The following GREB1 variants were observed in gnomAD, a reference collection of about 807,000 sequenced individuals.
The protein encoded by GREB1 is protein GREB1.
Under a neutral mutation model 200.7 loss-of-function variants are expected in GREB1, and 106 were observed. The observed-to-expected ratio is 0.53, with a 90% CI of 0.45 to 0.62. GREB1 has a LOEUF of 0.62. Ranked by LOEUF, GREB1 falls within the 20% of genes least tolerant of loss-of-function variation. The pLI, the probability that GREB1 is intolerant of heterozygous loss-of-function variation, is 0.00. For missense variants in GREB1, 2,243 were observed against 2,556.8 expected (o/e 0.88, Z 2.65); for synonymous variants, 1,132 against 1,092.4 (o/e 1.04, Z -0.72).
chr2:11,583,296 T>A (rs542213301), intron 7 of GREB1, among the ~76,000 whole-genome samples: 1 of 152,280 alleles, frequency 6.6e-6, no homozygotes, highest in Admixed American at 6.5e-5. Flanking sequence ...GCTTAGCCTC[T>A]GTGGGGGGTC....
intron 6 of GREB1, among the ~76,000 whole-genome samples, chr2:11,579,609 A>G (rs536489636): frequency 2.0e-5 from 3 of 152,300 alleles, no homozygotes; most frequent in African/African-American, 7.2e-5. Context: ...GAGGTTAAGT[A>G]AGTGTCCAGG....
chr2:11,635,542 G>C (rs1397996591), intron 30 of GREB1, 137 bp downstream of exon 30: 15 of 956,546 alleles, frequency 1.6e-5, no homozygotes, highest in Non-Finnish European at 2.1e-5. Context: ...GGTGGGGTCA[G>C]TAAAGGTTTT....
intron 1 of GREB1, among the ~76,000 whole-genome samples, chr2:11,534,550 C>T (rs1032855420): frequency 2.6e-5 from 4 of 152,176 alleles, no homozygotes; most frequent in African/African-American, 9.7e-5. Flanking sequence ...TTCATACCCC[C>T]AGCCTTTCTG....
chr2:11,573,333 A>G (rs778505527), intron 4 of GREB1, among the ~76,000 whole-genome samples: 8 of 152,206 alleles, frequency 5.3e-5, no homozygotes, highest in Non-Finnish European at 1.2e-4. Flanking sequence ...CGTGTTTAAG[A>G]TGGACTGTTT....
At chr2:11,574,748 T>G (rs1008832284) in intron 4 of GREB1, among the ~76,000 whole-genome samples, 8 of 152,246 alleles carry the variant, frequency 5.3e-5, no homozygotes, top group African/African-American at 1.9e-4. Context: ...GACTGGCTCC[T>G]GTGTCACTTG....
rs1397311955 is a variant in GREB1, at chr2:11,588,846, A to G, written c.1260A>G (p.Ala420=). ...AGAATTCCCAGTCTGTCTCACGGGC[A>G]TACGAGCAGTACGGCGCCTCTGCCA... The part of the protein sequence containing the change: ...CYQNSQSVSR[A]YEQYGASAIQ... Residue 420 remains alanine (A), a synonymous_variant, in exon 10 of 33, where the codon GCA becomes GCG. Transcript: ENST00000381486. 1 of 1,614,158 alleles carries G rather than the reference A, an allele frequency of 6.2e-7. No homozygotes were observed. The highest frequency in any genetic ancestry group is 8.5e-7 in the Non-Finnish European group (1 of 1,179,992).
chr2:11,596,447 A>AG lies in GREB1; in HGVS notation c.1954+214dup, dbSNP rs570048754. ...GGCAGGGACGCAGGTGTGCACAGTG[A>AG]GGGGGGTGGGGGCACAGGTATGCAC... On this transcript the variant is annotated intron_variant, in intron 13 of 32. Coordinates refer to ENST00000381486, the MANE Select transcript of GREB1 (RefSeq NM_014668.4). Among the ~76,000 whole-genome samples, 350 of 43,226 alleles carry AG rather than the reference A, an allele frequency of 8.1e-3. 56 individuals are homozygous for AG. The highest frequency in any genetic ancestry group is 0.041 in the African/African-American group (320 of 7,860). 28.4% of individuals were successfully genotyped at this position (43,226 alleles called of 152,430 possible).
intron 1 of GREB1, among the ~76,000 whole-genome samples, chr2:11,522,913 G>C (rs1299332318): frequency 2.0e-5 from 3 of 152,176 alleles, no homozygotes; most frequent in Non-Finnish European, 4.4e-5. Flanking sequence ...ACATCTTCCA[G>C]TTAGAAAAAT....
At chr2:11,552,913 G>GGCAGGAGAATGGCGTGAAC (rs1298144158) in intron 1 of GREB1, among the ~76,000 whole-genome samples, 1 of 151,070 alleles carries the variant, frequency 6.6e-6, no homozygotes, top group East Asian at 2.0e-4. Flanking sequence ...GGGAGGCTGA[G>GGCAGGAGAATGGCGTGAAC]GCAGGAGAAT....
chr2:11,503,716 ATGAT>A (rs758774913), intron 1 of GREB1, among the ~76,000 whole-genome samples: 3 of 152,228 alleles, frequency 2.0e-5, no homozygotes, highest in Non-Finnish European at 4.4e-5. Context: ...GTGTGGAATG[ATGAT>A]TCGAGCTTTG....
At position 11,577,099 on chromosome 2, in the gene GREB1, C is replaced by T. The variant is rs112681449; in HGVS notation, c.637+564C>T. Among the ~76,000 whole-genome samples the T allele has an allele frequency of 2.6e-3, 399 of 152,236 alleles. 3 individuals carry two copies. The highest frequency in any genetic ancestry group is 8.9e-3 in the African/African-American group (370 of 41,548). On this transcript the variant is annotated intron_variant, in intron 5 of 32. Coordinates refer to ENST00000381486, the MANE Select transcript of GREB1 (RefSeq NM_014668.4). ...GACAGAGGGCCAGAGTGTGCATTAC[C>T]TCCTATGGCAAGTATTTGGGGCAGT...
intron 1 of GREB1, chr2:11,540,023 G>T (rs1572621839): frequency 6.6e-6 from 1 of 152,398 alleles, no homozygotes. Flanking sequence ...GGAGGCGGGA[G>T]CCCCTGCACA....
At chr2:11,569,097 GA>G (rs1353607470) in intron 4 of GREB1, among the ~76,000 whole-genome samples, 1 of 152,108 alleles carries the variant, frequency 6.6e-6, no homozygotes, top group Non-Finnish European at 1.5e-5. Flanking sequence ...TATTTTATCT[GA>G]AAAAGCTGAA....
chr2:11,489,428 T>C (rs1672731614), intron 1 of GREB1, among the ~76,000 whole-genome samples: 1 of 152,126 alleles, frequency 6.6e-6, no homozygotes. Context: ...CACTGCCCTC[T>C]GACCTGGGCG....
intron 11 of GREB1, among the ~76,000 whole-genome samples, chr2:11,594,896 G>A (rs1464153560): frequency 2.0e-5 from 3 of 151,682 alleles, no homozygotes; most frequent in Admixed American, 1.3e-4. Context: ...GGGTTTCACC[G>A]TGTTAGCCAG....
rs776232453 is a variant in GREB1, at chr2:11,618,469, C to T, written c.3594C>T (p.Pro1198=). ...GCAGGCACAGTCCCGGGCCGACGCC[C>T]CAGCCCGACTGTAGCCTCAGGACCG... ...AISRHSPGPT[P]QPDCSLRTGQ... is the part of the protein sequence containing the mutation. Residue 1198 remains proline, a synonymous_variant, in exon 22 of 33, where the codon CCC becomes CCT. Transcript: ENST00000381486. 1.2e-6 allele frequency: 2 copies of T among 1,607,028 alleles called. No individual in the cohort carries two copies. The highest frequency in any genetic ancestry group is 1.7e-5 in the Admixed American group (1 of 59,080).
chr2:11,614,469 T>G (rs944244618), intron 19 of GREB1, among the ~76,000 whole-genome samples: 6 of 151,780 alleles, frequency 4.0e-5, no homozygotes, highest in Non-Finnish European at 7.4e-5. Context: ...GATGAAAAAA[T>G]CAGAGCCTCA....
In GREB1 at chr2:11,487,656, CAT is replaced by C. The variant is rs369853151; in HGVS notation, c.-159+5276_-159+5277del. On this transcript the variant is annotated intron_variant, in intron 1 of 2. Transcript: ENST00000628795. ...TGGAAAATTTCAAACATATCTAAAA[CAT>C]GTGCAAAAATAGAACGATTGTGAGC... is the stretch of plus-strand genomic sequence containing the variant. 4.5e-3 allele frequency among the ~76,000 whole-genome samples: 691 copies of C among 152,316 alleles called. 8 individuals carry two copies. The highest frequency in any genetic ancestry group is 0.016 in the African/African-American group (657 of 41,562).
chr2:11,573,315 A>G (rs1013580094), intron 4 of GREB1, among the ~76,000 whole-genome samples: 10 of 152,224 alleles, frequency 6.6e-5, no homozygotes, highest in African/African-American at 2.4e-4. Context: ...GTGCGTGGTG[A>G]CAAGAGTCGT....
Sources: gnomAD v4.1 joint callset for allele counts (sites outside exome capture counted in the v4.1 genomes callset) on GRCh38, gnomAD v4.1.1 for gene constraint, MANE v1.5 for transcripts, NCBI Gene and HGNC (gene_info 2026-07-23, HGNC 2026-07-21) for gene names.